RNMT: variants seen among roughly 807,000 people sequenced by gnomAD.
The protein encoded by RNMT is mRNA cap guanine-N(7) methyltransferase.
RNMT carries 27 observed loss-of-function variants against 56.0 expected under a neutral mutation model. That is an observed-to-expected ratio of 0.48 (90% CI 0.36 to 0.67). RNMT has a LOEUF of 0.67. Ranked by LOEUF, RNMT falls within the 30% of genes least tolerant of loss-of-function variation. RNMT has a pLI of 0.00. For missense variants in RNMT, 519 were observed against 552.1 expected (o/e 0.94, Z 0.60); for synonymous variants, 184 against 176.2 (o/e 1.04, Z -0.35).
rs2149111388 is a variant in RNMT, at chr18:13,761,179, G to C, written c.*1200G>C. Reference sequence around the variant, plus strand: ...TCTATTAACTGTTCATGGTGTTAGAGTTGCAAACTTTTTAGCAAGAAAATA... The same window carrying C: ...TCTATTAACTGTTCATGGTGTTAGACTTGCAAACTTTTTAGCAAGAAAATA... On this transcript the variant is annotated 3_prime_UTR_variant, in exon 12 of 12. Transcript: ENST00000383314. 1.0e-6 allele frequency: 1 copy of C among 985,434 alleles called. No homozygotes were observed. The highest frequency in any genetic ancestry group is 4.7e-5 in the South Asian group (1 of 21,288). The allele number at this position is 985,434 out of a possible 1,614,324, so 61.0% of individuals were successfully genotyped here.
At position 13,742,538 on chromosome 18, in the gene RNMT, CT is replaced by C; in HGVS notation, c.1026del (p.Val343Ter). 6.2e-7 allele frequency: 1 copy of C among 1,613,176 alleles called. No individual in the cohort carries two copies. Among genetic ancestry groups the C allele is most frequent in the Admixed American group, 1.7e-5 (1 of 59,968 alleles). The part of the protein sequence containing the change: ...ETESFGNEIY[T>X]VKFQKKGDYP... Reference sequence around the variant, plus strand: ...GAATCATTTGGAAATGAAATATATACTGTGAAATTTCAGAAGAAAGGAGATT... The same window carrying C: ...GAATCATTTGGAAATGAAATATATACGTGAAATTTCAGAAGAAAGGAGATT... On this transcript the variant is annotated frameshift_variant, in exon 8 of 12. Coordinates refer to ENST00000383314, the MANE Select transcript of RNMT (RefSeq NM_003799.3). LOFTEE classifies it high-confidence loss of function.
chr18:13,737,759 A>G (rs1382962243), intron 5 of RNMT, among the ~76,000 whole-genome samples: 3 of 152,004 alleles, frequency 2.0e-5, no homozygotes, highest in African/African-American at 4.8e-5. Flanking sequence ...AGAAAAACAC[A>G]TTGTTCACCC....
intron 11 of RNMT, among the ~76,000 whole-genome samples, 157 bp from the exon 12 acceptor site, chr18:13,759,785 G>T (rs1057506323): frequency 5.3e-5 from 8 of 152,152 alleles, no homozygotes; most frequent in African/African-American, 1.9e-4. Context: ...GCCTAAAAAT[G>T]ATTCAAATAA....
chr18:13,745,621 T>C (rs1286382763), intron 8 of RNMT, among the ~76,000 whole-genome samples: 1 of 152,062 alleles, frequency 6.6e-6, no homozygotes, highest in Admixed American at 6.5e-5. Flanking sequence ...GGTGAAGATT[T>C]CTAATAAGCA....
intron 6 of RNMT, among the ~76,000 whole-genome samples, chr18:13,741,061 C>T (rs1235539808): frequency 6.6e-6 from 1 of 152,270 alleles, no homozygotes; most frequent in Non-Finnish European, 1.5e-5. Context: ...GTTATAGATA[C>T]CTTTAATCAT....
intron 5 of RNMT, 21 bp from the exon 6 acceptor site, chr18:13,740,146 A>C: frequency 7.1e-7 from 1 of 1,409,322 alleles, no homozygotes; most frequent in South Asian, 1.2e-5. Context: ...GATACTTACT[A>C]ATACCCTTCC....
At position 13,762,119 on chromosome 18, in the gene RNMT, A is replaced by C; in HGVS notation, c.*2140A>C. ...AGCACCTGTTGCTGCAAGCTCAGTG[A>C]AGTGGGGCACTCCCAGACCTGCCAT... On this transcript the variant is annotated 3_prime_UTR_variant, in exon 12 of 12. Transcript: ENST00000383314. 3 of 1,535,988 alleles carry C rather than the reference A, an allele frequency of 2.0e-6. No homozygotes were observed. Among genetic ancestry groups the C allele is most frequent in the Non-Finnish European group, 2.6e-6 (3 of 1,146,834 alleles).
chr18:13,754,157 T>A lies in RNMT; in HGVS notation c.1393+10T>A, dbSNP rs758047227. 1.9e-6 allele frequency: 3 copies of A among 1,551,108 alleles called. No individual in the cohort carries two copies. Among genetic ancestry groups the A allele is most frequent in the Non-Finnish European group, 2.7e-6 (3 of 1,126,010 alleles). On this transcript the variant is annotated intron_variant, in intron 11 of 11. Coordinates refer to ENST00000383314, the MANE Select transcript of RNMT (RefSeq NM_003799.3). The stretch of plus-strand genomic sequence containing the variant: ...GAATGGGAAGCTACAAGTGAGTATA[T>A]CATCAGCATAGATTAACTGATAATT...
In RNMT at chr18:13,744,159, C is replaced by CTTTTTTTTTTTTTTTTTTTTTT. The variant is rs201093998; in HGVS notation, c.1139+1512_1139+1533dup. On this transcript the variant is annotated intron_variant, in intron 8 of 11. Coordinates refer to ENST00000383314, the MANE Select transcript of RNMT (RefSeq NM_003799.3). ...ATGCTAAACAAGACCTAGCGGTCTT[C>CTTTTTTTTTTTTTTTTTTTTTT]TTTTTTTTTTTTTTTTTTTTTTTTT... Among the ~76,000 whole-genome samples the CTTTTTTTTTTTTTTTTTTTTTT allele has an allele frequency of 4.7e-4, 43 of 91,410 alleles. 5 individuals carry two copies. Among genetic ancestry groups the CTTTTTTTTTTTTTTTTTTTTTT allele is most frequent in the Non-Finnish European group, 6.8e-4 (31 of 45,808 alleles). The allele number at this position is 91,410 out of a possible 152,430, so 60.0% of individuals were successfully genotyped here. A position where few individuals can be genotyped will look rare whatever the true frequency, so the allele number is the denominator to read the frequency against.
At chr18:13,753,171 TAAG>T (rs1373994134) in intron 10 of RNMT, among the ~76,000 whole-genome samples, 2 of 152,166 alleles carry the variant, frequency 1.3e-5, no homozygotes, top group Non-Finnish European at 2.9e-5. Flanking sequence ...TTTTCCAAAT[TAAG>T]AATACAAGAT....
In RNMT at chr18:13,746,260, A is replaced by G; in HGVS notation, c.1180A>G (p.Thr394Ala). 6.4e-7 allele frequency: 1 copy of G among 1,567,482 alleles called. No homozygotes were observed. Among genetic ancestry groups the G allele is most frequent in the Non-Finnish European group, 8.7e-7 (1 of 1,147,464 alleles). Reference protein sequence around the residue: ...KYNMKLVYKKTFLEFYEEKIK... With the variant: ...KYNMKLVYKKAFLEFYEEKIK... ...CAATATGAAACTAGTCTACAAAAAA[A>G]CATTTCTGGAATTCTACGAAGAAAA... The change falls in exon 9 of 12, where the codon ACA (threonine) becomes GCA (alanine). Residue 394 changes from threonine to alanine, a missense_variant. Thr to Ala is a moderately conservative substitution (Grantham distance 58). Coordinates refer to ENST00000383314, the MANE Select transcript of RNMT (RefSeq NM_003799.3).
At chr18:13,737,266 G>T in intron 5 of RNMT, 131 bp downstream of exon 5, 1 of 798,146 alleles carries the variant, frequency 1.3e-6, no homozygotes, top group Non-Finnish European at 1.9e-6. Context: ...ATTACGGCCT[G>T]ACGCGGTGGC....
In RNMT at chr18:13,761,043, C is replaced by T. The variant is rs576439303; in HGVS notation, c.*1064C>T. On this transcript the variant is annotated 3_prime_UTR_variant, in exon 12 of 12. Transcript: ENST00000383314. ...GTAGTGAAAAACTTCAAGAATGAAG[C>T]AGAGCAATTGAGTATTCTTTTTTAA... The T allele has an allele frequency of 2.9e-4, 288 of 985,266 alleles. 1 individual carries two copies. The African/African-American group carries it at 4.9e-3, about 17-fold the overall frequency. The allele number at this position is 985,266 out of a possible 1,614,324, so 61.0% of individuals were successfully genotyped here.
rs140706844 is a variant in RNMT at position 13,738,568 on chromosome 18, T to C, written c.679+1433T>C. ...CCTTAGTGATGAACTTTTTATACCG[T>C]GTAACATTAAAATCCATTAATCTGT... On this transcript the variant is annotated intron_variant, in intron 5 of 11. Coordinates refer to ENST00000383314, the MANE Select transcript of RNMT (RefSeq NM_003799.3). Among the ~76,000 whole-genome samples the C allele has an allele frequency of 6.0e-4, 91 of 152,344 alleles. 1 individual carries two copies. The highest frequency in any genetic ancestry group is 2.0e-3 in the African/African-American group (83 of 41,582).
chr18:13,756,227 A>T (rs1233439969), intron 11 of RNMT, among the ~76,000 whole-genome samples: 1 of 152,184 alleles, frequency 6.6e-6, no homozygotes, highest in Non-Finnish European at 1.5e-5. Context: ...TCACGATTTG[A>T]TTTTTTTAAA....
intron 2 of RNMT, among the ~76,000 whole-genome samples, chr18:13,731,234 G>A (rs1456757220): frequency 2.0e-5 from 3 of 152,022 alleles, no homozygotes; most frequent in Non-Finnish European, 2.9e-5. Flanking sequence ...TGGGGAAATC[G>A]CGTCTCAGCT....
intron 3 of RNMT, among the ~76,000 whole-genome samples, chr18:13,733,105 CA>C (rs2044100963): frequency 6.6e-6 from 1 of 152,014 alleles, no homozygotes; most frequent in Non-Finnish European, 1.5e-5. Flanking sequence ...TTACTAGCCC[CA>C]GAACCCCTTT....
intron 1 of RNMT, chr18:13,730,409 C>A (rs1470229144): frequency 1.3e-5 from 2 of 152,196 alleles, no homozygotes; most frequent in Non-Finnish European, 2.9e-5. Flanking sequence ...AGAATTCTTG[C>A]TGTAGAATCC....
intron 11 of RNMT, among the ~76,000 whole-genome samples, chr18:13,758,625 A>G (rs1242020010): frequency 2.6e-5 from 4 of 152,174 alleles, no homozygotes; most frequent in African/African-American, 9.7e-5. Context: ...TGGCTGGTTG[A>G]TCTTTGCAGA....
Sources: gnomAD v4.1 joint callset for allele counts (sites outside exome capture counted in the v4.1 genomes callset) on GRCh38, gnomAD v4.1.1 for gene constraint, MANE v1.5 for transcripts, NCBI Gene and HGNC (gene_info 2026-07-23, HGNC 2026-07-21) for gene names.